DCAF1: variants seen among roughly 807,000 people sequenced by gnomAD.
DCAF1 encodes DDB1- and CUL4-associated factor 1.
DCAF1 carries 15 observed loss-of-function variants against 128.0 expected under a neutral mutation model. The ratio of observed to expected loss-of-function variants is 0.12; its 90% confidence interval spans 0.08 to 0.18. The LOEUF (loss-of-function observed/expected upper bound fraction) is 0.18. Among genes scored for constraint, DCAF1 ranks in the 10% least tolerant of loss-of-function variants. The probability of loss-of-function intolerance (pLI) is 1.00; values close to 1 mark genes in which losing one functional copy is unlikely to be tolerated. For synonymous variants in DCAF1, 610 were observed against 603.0 expected (o/e 1.01, Z -0.17); for missense variants, 988 against 1,649.5 (o/e 0.60, Z 6.95).
At chr3:51,470,893 A>G in intron 4 of DCAF1, 36 bp downstream of exon 4, 1 of 1,458,814 alleles carries the variant, frequency 6.9e-7, no homozygotes, top group South Asian at 1.4e-5. Flanking sequence ...CTTAAAAGAA[A>G]AAAAAAAGAC....
In DCAF1 at chr3:51,419,873, T is replaced by C. The variant is rs782350777; in HGVS notation, c.3097A>G (p.Thr1033Ala). 36 of 1,613,492 alleles carry C rather than the reference T, an allele frequency of 2.2e-5. No individual in the cohort carries two copies. The highest frequency in any genetic ancestry group is 3.0e-5 in the Non-Finnish European group (35 of 1,179,816). ...VATCPPFSLF[T>A]PHQCPEPKQR... ...TTTGGCTCAGGACATTGGTGAGGAG[T>C]AAAGAGGGAGAAAGGTGGGCAGGTG... Residue 1033 changes from threonine to alanine, a missense_variant, in exon 15 of 25, where the codon ACT becomes GCT. By Grantham distance (58) the Thr-to-Ala change is moderately conservative. Transcript: ENST00000684031.
chr3:51,468,628 T>C (rs1170295027), intron 4 of DCAF1, among the ~76,000 whole-genome samples: 5 of 152,144 alleles, frequency 3.3e-5, no homozygotes, highest in Admixed American at 2.6e-4. Context: ...TATCTCAAAG[T>C]AATTCACAAA....
At position 51,413,986 on chromosome 3, in the gene DCAF1, C is replaced by T; in HGVS notation, c.3895G>A (p.Val1299Met). 5.6e-6 allele frequency: 9 copies of T among 1,602,878 alleles called. No homozygotes were observed. The highest frequency in any genetic ancestry group is 1.1e-5 in the South Asian group (1 of 87,902). Residue 1299 changes from valine (V) to methionine (M), a missense_variant, in exon 20 of 25, where the codon GTG (valine) becomes ATG (methionine). Transcript: ENST00000684031. ...HTVPALDQCRVVFNHTGTVMY... is the reference protein window; with the variant it reads ...HTVPALDQCRMVFNHTGTVMY... ...ACTGTTCCCGTGTGATTGAACACCA[C>T]GCGACACTGATCCAGAGCGGGAACA...
chr3:51,493,820 A>G (rs1006406102), intron 2 of DCAF1, among the ~76,000 whole-genome samples: 1 of 151,720 alleles, frequency 6.6e-6, no homozygotes, highest in Admixed American at 6.6e-5. Flanking sequence ...ACATGGTGAA[A>G]CCCCCGTCTC....
At chr3:51,475,419 T>C (rs751955164) in intron 3 of DCAF1, among the ~76,000 whole-genome samples, 16 of 151,156 alleles carry the variant, frequency 1.1e-4, no homozygotes, top group Non-Finnish European at 1.5e-5. Flanking sequence ...CTGGACAATA[T>C]AGTGAAATCC....
chr3:51,478,677 C>G (rs766828310), intron 3 of DCAF1, among the ~76,000 whole-genome samples: 1 of 151,774 alleles, frequency 6.6e-6, no homozygotes, highest in South Asian at 2.1e-4. Flanking sequence ...TTAATTAAGA[C>G]GGGGTCTTAC....
Position 51,413,963 on chromosome 3 carries a change from T to C in DCAF1, c.3918A>G (p.Thr1306=), listed in dbSNP as rs782525254. The change falls in exon 20 of 25, where the codon ACA becomes ACG. Residue 1306 remains threonine, a synonymous_variant. Transcript: ENST00000684031. Reference sequence around the variant, plus strand: ...AAGGTTTATTACCTCCATACATCACTGTTCCCGTGTGATTGAACACCACGC... The same window carrying C: ...AAGGTTTATTACCTCCATACATCACCGTTCCCGTGTGATTGAACACCACGC... ...QCRVVFNHTG[T]VMYGAMLQAD... The C allele has an allele frequency of 6.3e-7, 1 of 1,577,860 alleles. No individual in the cohort carries two copies. The highest frequency in any genetic ancestry group is 1.8e-5 in the Admixed American group (1 of 55,038).
chr3:51,484,501 T>C (rs1319533626), intron 2 of DCAF1, among the ~76,000 whole-genome samples: 2 of 151,812 alleles, frequency 1.3e-5, no homozygotes, highest in African/African-American at 4.8e-5. Context: ...ATTTACCTAA[T>C]GCCTACCTGT....
At chr3:51,446,617 C>T (rs782214525) in intron 6 of DCAF1, among the ~76,000 whole-genome samples, 4 of 150,132 alleles carry the variant, frequency 2.7e-5, no homozygotes, top group African/African-American at 4.9e-5. Flanking sequence ...GGTGACAAAG[C>T]GAGACCCCAT....
At chr3:51,436,085 C>A (rs560867599) in intron 9 of DCAF1, among the ~76,000 whole-genome samples, 3 of 152,178 alleles carry the variant, frequency 2.0e-5, no homozygotes, top group Non-Finnish European at 4.4e-5. Context: ...TGCTTCAAGA[C>A]GTTGATAAAG....
chr3:51,483,658 T>C (rs1364254361), intron 3 of DCAF1, 61 bp downstream of exon 3: 3 of 1,040,820 alleles, frequency 2.9e-6, no homozygotes, highest in African/African-American at 1.6e-5. Context: ...TGAAGAAATC[T>C]AGCGTATGAG....
chr3:51,494,589 G>C (rs138815661), intron 2 of DCAF1, among the ~76,000 whole-genome samples: 2,209 of 152,200 alleles, frequency 0.015, 181 homozygotes, highest in Admixed American at 0.13. Flanking sequence ...ATCCAGAAGA[G>C]ACTGCTTCTT....
Position 51,407,984 on chromosome 3 carries a change from C to CAAAAAAAAAAAA in DCAF1, c.4212+4383_4212+4394dup, listed in dbSNP as rs59224025. Among the ~76,000 whole-genome samples the CAAAAAAAAAAAA allele has an allele frequency of 1.7e-4, 9 of 52,538 alleles. 1 individual carries two copies. The highest frequency in any genetic ancestry group is 2.8e-4 in the Admixed American group (1 of 3,522). The allele number at this position is 52,538 out of a possible 152,430, so 34.5% of individuals were successfully genotyped here. ...TGGGTGACAGGGCGAGACTCCATCT[C>CAAAAAAAAAAAA]AAAAAAAAAAAAAAAAAAAAAAAAA... On this transcript the variant is annotated intron_variant, in intron 23 of 24. Transcript: ENST00000684031.
intron 3 of DCAF1, among the ~76,000 whole-genome samples, chr3:51,480,898 A>AT (rs1553652583): frequency 6.6e-6 from 1 of 152,054 alleles, no homozygotes. Context: ...AGCACATACT[A>AT]TGTCTTTTTA....
At chr3:51,458,623 GCCACA>G (rs1559537266) in intron 6 of DCAF1, among the ~76,000 whole-genome samples, 1 of 151,898 alleles carries the variant, frequency 6.6e-6, no homozygotes, top group Non-Finnish European at 1.5e-5. Flanking sequence ...TCTTTTCAGC[GCCACA>G]CCACACCTAC....
chr3:51,420,158 C>A lies in DCAF1; in HGVS notation c.2812G>T (p.Gly938Cys). ...TAHPQPRPPQGPLALPGPSYA... is the reference protein window; with the variant it reads ...TAHPQPRPPQCPLALPGPSYA... ...GATGGGCCGGGCAGAGCTAGCGGACCCTGGGGGGGCCGTGGCTGAGGATGA... is the reference window on the plus strand; with the variant it reads ...GATGGGCCGGGCAGAGCTAGCGGACACTGGGGGGGCCGTGGCTGAGGATGA... The change falls in exon 15 of 25, where the codon GGT (glycine) becomes TGT (cysteine). Residue 938 changes from glycine (G) to cysteine (C), a missense_variant. Coordinates refer to ENST00000684031, the MANE Select transcript of DCAF1 (RefSeq NM_001387579.1). The surrounding 1 kb of genome is among the most constrained non-coding windows in gnomAD (Gnocchi z 6.5). The A allele has an allele frequency of 6.2e-7, 1 of 1,613,936 alleles. No individual in the cohort carries two copies. The highest frequency in any genetic ancestry group is 8.5e-7 in the Non-Finnish European group (1 of 1,179,884).
At chr3:51,405,508 G>A (rs2090042486) in intron 23 of DCAF1, among the ~76,000 whole-genome samples, 1 of 152,192 alleles carries the variant, frequency 6.6e-6, no homozygotes, top group Admixed American at 6.5e-5. Flanking sequence ...CCATGAGAGA[G>A]AGGAGGGGAA....
intron 9 of DCAF1, among the ~76,000 whole-genome samples, chr3:51,436,651 T>A (rs1238790932): frequency 2.0e-5 from 3 of 152,206 alleles, no homozygotes; most frequent in African/African-American, 7.2e-5. Flanking sequence ...TGAACGTATT[T>A]TAATAACTTC....
chr3:51,422,491 CAG>C (rs550026619), intron 13 of DCAF1, 60 bp from the exon 14 acceptor site: 28 of 712,594 alleles, frequency 3.9e-5, no homozygotes, highest in Non-Finnish European at 3.9e-5. Flanking sequence ...TCAAGAGAGA[CAG>C]AGAGAGAGAC....
Sources: gnomAD v4.1 joint callset for allele counts (sites outside exome capture counted in the v4.1 genomes callset) on GRCh38, gnomAD v4.1.1 for gene constraint, Gnocchi (gnomAD v3.1) non-coding constraint, MANE v1.5 for transcripts, NCBI Gene and HGNC (gene_info 2026-07-23, HGNC 2026-07-21) for gene names.